Variants in LGSN observed in about 807,000 individuals in gnomAD.
The protein encoded by LGSN is lengsin, lens protein with glutamine synthetase domain.
LGSN carries 21 observed loss-of-function variants against 19.5 expected under a neutral mutation model. The observed-to-expected ratio is 1.07, with a 90% CI of 0.76 to 1.55. The LOEUF (loss-of-function observed/expected upper bound fraction) is 1.55, where lower values mean the gene tolerates loss of function less well. Ranked by LOEUF, LGSN falls within the 40% of genes most tolerant of loss-of-function variation. The pLI, the probability that LGSN is intolerant of heterozygous loss-of-function variation, is 0.00. For missense variants in LGSN, 673 were observed against 608.5 expected, an observed-to-expected ratio of 1.11 and a Z score of -1.12; for synonymous variants, 257 against 215.6, an observed-to-expected ratio of 1.19 and a Z score of -1.68.
chr6:63,497,428 A>G, the LGSN span, among the ~76,000 whole-genome samples: 1 of 152,082 alleles, frequency 6.6e-6, no homozygotes, highest in East Asian at 1.9e-4. Context: ...AGGCACCTGT[A>G]ATCCCCGCTA....
At chr6:63,384,685 T>C in the LGSN span, among the ~76,000 whole-genome samples, 36 of 152,268 alleles carry the variant, frequency 2.4e-4, no homozygotes, top group South Asian at 3.5e-3. Flanking sequence ...ACATGGCTAA[T>C]TTTGTATTTT....
chr6:63,403,838 G>A, the LGSN span, among the ~76,000 whole-genome samples: 1 of 152,136 alleles, frequency 6.6e-6, no homozygotes, highest in Non-Finnish European at 1.5e-5. Context: ...ATCCTTAGGT[G>A]TGAGCATGAC....
At chr6:63,449,657 A>G in the LGSN span, among the ~76,000 whole-genome samples, 1 of 152,348 alleles carries the variant, frequency 6.6e-6, no homozygotes, top group African/African-American at 2.4e-5. Context: ...TCAAGAAGAT[A>G]AAAGAAAGGG....
chr6:63,412,665 GAAGGAAAGGAAGAAAGAAAGAAAGAGA>G, the LGSN span, among the ~76,000 whole-genome samples: 5 of 120,294 alleles, frequency 4.2e-5, no homozygotes, highest in African/African-American at 1.5e-4. Flanking sequence ...GGAAGGAAAG[GAAGGAAAGGAAGAAAGAAAGAAAGAGA>G]AAGAAAGAAA....
chr6:63,299,677 T>G (rs983757219), intron 1 of LGSN, among the ~76,000 whole-genome samples: 1 of 152,208 alleles, frequency 6.6e-6, no homozygotes, highest in Non-Finnish European at 1.5e-5. Flanking sequence ...ACTTCTGCCC[T>G]TGTCCGTGTC....
At chr6:63,525,289 T>G in the LGSN span, among the ~76,000 whole-genome samples, 1 of 152,210 alleles carries the variant, frequency 6.6e-6, no homozygotes, top group African/African-American at 2.4e-5. Flanking sequence ...CTTGTGATGC[T>G]GAAGCCGGTT....
At chr6:63,423,473 C>CA in the LGSN span, among the ~76,000 whole-genome samples, 1,577 of 126,688 alleles carry the variant, frequency 0.012, 19 homozygotes, top group African/African-American at 0.034. Context: ...CTGTCTCTAC[C>CA]AAAAAAAAAA....
the LGSN span, among the ~76,000 whole-genome samples, chr6:63,431,536 C>A: frequency 6.6e-6 from 1 of 152,190 alleles, no homozygotes; most frequent in Non-Finnish European, 1.5e-5. Flanking sequence ...TCTAGCCTTA[C>A]CACTTACTAG....
At chr6:63,542,334 C>T in the LGSN span, among the ~76,000 whole-genome samples, 1 of 151,646 alleles carries the variant, frequency 6.6e-6, no homozygotes, top group Non-Finnish European at 1.5e-5. Context: ...GTATACTGCT[C>T]GGGTGATGGG....
At chr6:63,306,681 A>G (rs186486461) in intron 1 of LGSN, among the ~76,000 whole-genome samples, 4 of 152,340 alleles carry the variant, frequency 2.6e-5, no homozygotes, top group African/African-American at 9.6e-5. Flanking sequence ...AGCCTAGTTC[A>G]AGGAGAGCAA....
chr6:63,565,084 C>T, the LGSN span, among the ~76,000 whole-genome samples: 1 of 152,092 alleles, frequency 6.6e-6, no homozygotes, highest in African/African-American at 2.4e-5. Context: ...GATCACAGCT[C>T]ACTGCAGCCC....
At chr6:63,420,031 T>C in the LGSN span, among the ~76,000 whole-genome samples, 4 of 144,848 alleles carry the variant, frequency 2.8e-5, 1 homozygote, top group Middle Eastern at 7.4e-3. Context: ...TGAAACCCCG[T>C]CTCTACTAAA....
chr6:63,560,563 C>A, the LGSN span, among the ~76,000 whole-genome samples: 2 of 151,760 alleles, frequency 1.3e-5, no homozygotes, highest in Non-Finnish European at 2.9e-5. Flanking sequence ...CCATGGCCCA[C>A]TAATCTGTGT....
chr6:63,456,346 AATATACATATATATATATATAT>A, the LGSN span, among the ~76,000 whole-genome samples: 50,778 of 100,518 alleles, frequency 0.51, 14,168 homozygotes, highest in East Asian at 0.64. Context: ...ACTTGGCAGA[AATATACATATATATATATATAT>A]ATATATATAT....
chr6:63,433,724 C>G, the LGSN span, among the ~76,000 whole-genome samples: 1 of 152,218 alleles, frequency 6.6e-6, no homozygotes, highest in Admixed American at 6.5e-5. Flanking sequence ...ACCAGTTCTG[C>G]TTAGAATAAG....
the LGSN span, among the ~76,000 whole-genome samples, chr6:63,325,793 G>A: frequency 3.1e-4 from 47 of 152,218 alleles, no homozygotes; most frequent in Non-Finnish European, 5.4e-4. Flanking sequence ...AGACCTTTGC[G>A]GTGAGTTTTA....
At chr6:63,307,671 T>C (rs1582043810) in intron 1 of LGSN, among the ~76,000 whole-genome samples, 1 of 152,208 alleles carries the variant, frequency 6.6e-6, no homozygotes, top group Non-Finnish European at 1.5e-5. Context: ...GGAAAAGCAA[T>C]GCCTGATGCA....
At chr6:63,426,322 A>G in the LGSN span, among the ~76,000 whole-genome samples, 1 of 152,192 alleles carries the variant, frequency 6.6e-6, no homozygotes, top group Non-Finnish European at 1.5e-5. Context: ...GGGAGTTGCT[A>G]AACTCCATAA....
chr6:63,408,094 G>A, the LGSN span, among the ~76,000 whole-genome samples: 1 of 152,118 alleles, frequency 6.6e-6, no homozygotes, highest in Non-Finnish European at 1.5e-5. Context: ...CATGAAAATG[G>A]CCATACTGCA....
Sources: allele counts gnomAD v4.1 joint callset (sites outside exome capture counted in the v4.1 genomes callset), GRCh38; gene constraint gnomAD v4.1.1; transcripts MANE v1.5; gene names NCBI Gene and HGNC (gene_info 2026-07-23, HGNC 2026-07-21).